PDE8B: variants seen among roughly 807,000 people sequenced by gnomAD.
PDE8B encodes the protein high affinity cAMP-specific and IBMX-insensitive 3',5'-cyclic phosphodiesterase 8B.
In PDE8B, 26 loss-of-function variants were observed where a neutral mutation model predicts 101.3. That is an observed-to-expected ratio of 0.26 (90% CI 0.19 to 0.36). PDE8B has a LOEUF of 0.36. PDE8B is among the 10% of genes least tolerant of loss of function. PDE8B has a pLI of 1.00. For missense variants in PDE8B, 810 were observed against 1,163.1 expected (o/e 0.70, Z 4.42); for synonymous variants, 424 against 429.3 (o/e 0.99, Z 0.15).
chr5:77,093,768 G>C, the PDE8B span, among the ~76,000 whole-genome samples: 2 of 151,928 alleles, frequency 1.3e-5, no homozygotes, highest in African/African-American at 4.8e-5. Flanking sequence ...ATCTGCTACA[G>C]CTATCTACTG....
At chr5:77,377,167 T>C (rs1786295553) in intron 10 of PDE8B, among the ~76,000 whole-genome samples, 1 of 152,302 alleles carries the variant, frequency 6.6e-6, no homozygotes, top group Middle Eastern at 3.4e-3. Flanking sequence ...ATGCTCAACA[T>C]TGAGCTTCAG....
intron 10 of PDE8B, among the ~76,000 whole-genome samples, chr5:77,365,698 C>G (rs1330447736): frequency 1.3e-5 from 2 of 152,186 alleles, no homozygotes; most frequent in Admixed American, 1.3e-4. Flanking sequence ...GAGCTTGGAG[C>G]ATAGCTTGGG....
At chr5:77,282,589 C>T (rs897278710) in intron 1 of PDE8B, among the ~76,000 whole-genome samples, 1 of 152,022 alleles carries the variant, frequency 6.6e-6, no homozygotes, top group Admixed American at 6.5e-5. Flanking sequence ...TCTGGCTGCC[C>T]TGGTACCCTC....
chr5:77,175,279 G>GA, the PDE8B span, among the ~76,000 whole-genome samples: 5 of 151,944 alleles, frequency 3.3e-5, no homozygotes, highest in African/African-American at 1.2e-4. Context: ...AGGGACCAGA[G>GA]GGATTTTCAG....
intron 1 of PDE8B, among the ~76,000 whole-genome samples, chr5:77,225,181 A>G (rs1186346957): frequency 6.6e-6 from 1 of 152,204 alleles, no homozygotes; most frequent in Non-Finnish European, 1.5e-5. Flanking sequence ...ATAGTTGGTT[A>G]TCCTGAGGTA....
the PDE8B span, among the ~76,000 whole-genome samples, chr5:77,204,777 A>G: frequency 6.6e-6 from 1 of 152,138 alleles, no homozygotes; most frequent in African/African-American, 2.4e-5. Context: ...CCCAATGACC[A>G]TAACTACTAT....
intron 1 of PDE8B, among the ~76,000 whole-genome samples, chr5:77,269,179 G>A (rs1228412238): frequency 1.3e-5 from 2 of 152,076 alleles, no homozygotes; most frequent in African/African-American, 2.4e-5. Context: ...TTTAACTGGG[G>A]TGAGATGATA....
chr5:77,095,892 T>C, the PDE8B span, among the ~76,000 whole-genome samples: 1 of 152,212 alleles, frequency 6.6e-6, no homozygotes, highest in East Asian at 1.9e-4. Flanking sequence ...GTCTTATCCT[T>C]CTTCATGCCT....
chr5:77,370,502 AC>A (rs762770852), intron 10 of PDE8B, among the ~76,000 whole-genome samples: 13 of 152,182 alleles, frequency 8.5e-5, no homozygotes, highest in Non-Finnish European at 1.3e-4. Flanking sequence ...GTTGCTTTTT[AC>A]TGCTGAGCAC....
At chr5:77,249,362 GA>G (rs1171744066) in intron 1 of PDE8B, among the ~76,000 whole-genome samples, 7 of 152,208 alleles carry the variant, frequency 4.6e-5, no homozygotes, top group African/African-American at 1.7e-4. Flanking sequence ...TCAAGCTCAA[GA>G]GAGGTTGAAT....
chr5:77,174,606 G>T, the PDE8B span, among the ~76,000 whole-genome samples: 1 of 152,136 alleles, frequency 6.6e-6, no homozygotes, highest in African/African-American at 2.4e-5. Context: ...TCGTGTCAGT[G>T]AACAAGTCGT....
the PDE8B span, among the ~76,000 whole-genome samples, chr5:77,109,937 T>G: frequency 8.8e-6 from 1 of 114,080 alleles, no homozygotes; most frequent in Non-Finnish European, 1.8e-5. Context: ...GTTTTTTTTT[T>G]TTTTTTTTTT....
Position 77,408,896 on chromosome 5 carries a change from A to G in PDE8B, c.1369A>G (p.Ile457Val), listed in dbSNP as rs780257421. ...TATTCTTTCTTCACTCCGTTAGGTTATAAATATAATCAATGCAGCCCAAGA... is the reference window on the plus strand; with the variant it reads ...TATTCTTTCTTCACTCCGTTAGGTTGTAAATATAATCAATGCAGCCCAAGA... The part of the protein sequence containing the change: ...MTIEAPITKV[I>V]NIINAAQENS... The change falls in exon 14 of 22, where the codon ATA becomes GTA. Residue 457 changes from isoleucine (I) to valine (V), a missense_variant. This residue lies in a region of PDE8B where 325 missense variants were observed against 560.9 expected (regional missense o/e 0.58). Coordinates refer to ENST00000264917, the MANE Select transcript of PDE8B (RefSeq NM_003719.5). The G allele has an allele frequency of 6.2e-7, 1 of 1,612,016 alleles. No homozygotes were observed. Among genetic ancestry groups the G allele is most frequent in the Non-Finnish European group, 8.5e-7 (1 of 1,178,028 alleles).
At chr5:77,200,624 C>T in the PDE8B span, among the ~76,000 whole-genome samples, 1 of 152,170 alleles carries the variant, frequency 6.6e-6, no homozygotes, top group East Asian at 1.9e-4. Context: ...CAATATCTTA[C>T]TACGTGTACA....
the PDE8B span, chr5:77,087,404 C>T: frequency 6.6e-6 from 1 of 152,250 alleles, no homozygotes; most frequent in Non-Finnish European, 1.5e-5. Flanking sequence ...TGAAATGTAA[C>T]TATTGTTTTA....
At chr5:77,164,940 C>T in the PDE8B span, among the ~76,000 whole-genome samples, 1 of 152,184 alleles carries the variant, frequency 6.6e-6, no homozygotes, top group Non-Finnish European at 1.5e-5. Context: ...ACAAGCCAGG[C>T]TCCTGGGCCC....
the PDE8B span, among the ~76,000 whole-genome samples, chr5:77,201,505 C>T: frequency 6.6e-6 from 1 of 152,174 alleles, no homozygotes; most frequent in Non-Finnish European, 1.5e-5. Context: ...TGGGTGGACA[C>T]TTTCTGGTTT....
the PDE8B span, among the ~76,000 whole-genome samples, chr5:77,169,080 G>T: frequency 6.6e-6 from 1 of 152,216 alleles, no homozygotes; most frequent in Admixed American, 6.5e-5. Flanking sequence ...AGTTGGCGCA[G>T]TGCCAGCTCC....
At chr5:77,322,901 A>T (rs901216325) in intron 2 of PDE8B, among the ~76,000 whole-genome samples, 1 of 152,262 alleles carries the variant, frequency 6.6e-6, no homozygotes, top group African/African-American at 2.4e-5. Flanking sequence ...TCTGAAAATT[A>T]GTGATAGCTG....
Sources: allele counts gnomAD v4.1 joint callset (sites outside exome capture counted in the v4.1 genomes callset), GRCh38; gene constraint gnomAD v4.1.1; regional missense constraint gnomAD v4.1.1; transcripts MANE v1.5; gene names NCBI Gene and HGNC (gene_info 2026-07-23, HGNC 2026-07-21).